Variants in MDGA2 observed in about 807,000 individuals in gnomAD.
The protein encoded by MDGA2 is MAM domain containing glycosylphosphatidylinositol anchor 2, also known as MAM domain-containing glycosylphosphatidylinositol anchor protein 2.
Under a neutral mutation model 117.8 loss-of-function variants are expected in MDGA2, and 40 were observed. The ratio of observed to expected loss-of-function variants is 0.34; its 90% confidence interval spans 0.26 to 0.44. The LOEUF (loss-of-function observed/expected upper bound fraction) is 0.44. Ranked by LOEUF, MDGA2 falls within the 20% of genes least tolerant of loss-of-function variation. The pLI is 1.00. For missense variants in MDGA2, 1,123 were observed against 1,250.6 expected (o/e 0.90, Z 1.54); for synonymous variants, 452 against 439.0 (o/e 1.03, Z -0.37).
rs1254207793 is a variant in MDGA2 at position 47,674,522 on chromosome 14, A to G, written c.275T>C (p.Val92Ala). The part of the protein sequence containing the change: ...VLLEGISGQG[V>A]YAPPTVRIVH... ...AGCGTCGCGATTCCACTCACCGTAC[A>G]CTCCTTGGCCAGAGATCCCCTCCAG... is the stretch of plus-strand genomic sequence containing the variant. Residue 92 changes from valine to alanine, a missense_variant, in exon 1 of 17, where the codon GTG (valine) becomes GCG (alanine). Around this residue, in one of 2 missense-constraint regions of MDGA2, gnomAD observed 233 missense variants for 200.3 expected, o/e 1.16. Coordinates refer to ENST00000399232, the MANE Select transcript of MDGA2 (RefSeq NM_001113498.3). 18 of 1,550,258 alleles carry G rather than the reference A, an allele frequency of 1.2e-5. No individual in the cohort carries two copies. Among genetic ancestry groups the G allele is most frequent in the Non-Finnish European group, 1.6e-5 (18 of 1,146,518 alleles).
chr14:47,495,674 G>C (rs533712792), intron 1 of MDGA2, among the ~76,000 whole-genome samples: 1 of 152,110 alleles, frequency 6.6e-6, no homozygotes, highest in African/African-American at 2.4e-5. Context: ...GTTATTTGTG[G>C]TGATTAAACG....
chr14:47,406,505 A>G (rs1248211435), intron 1 of MDGA2, among the ~76,000 whole-genome samples: 2 of 152,034 alleles, frequency 1.3e-5, no homozygotes, highest in East Asian at 3.8e-4. Context: ...TTACCAGGGA[A>G]GGGTTGGGAT....
chr14:47,259,637 C>T (rs1366656259), intron 2 of MDGA2, among the ~76,000 whole-genome samples: 1 of 151,988 alleles, frequency 6.6e-6, no homozygotes, highest in Non-Finnish European at 1.5e-5. Context: ...CATTGGTACA[C>T]ATGTAGCACT....
chr14:46,865,729 C>G (rs1369841936), intron 14 of MDGA2, among the ~76,000 whole-genome samples: 1 of 152,132 alleles, frequency 6.6e-6, no homozygotes, highest in Non-Finnish European at 1.5e-5. Flanking sequence ...AAATCACAAG[C>G]ATTCTTATAC....
chr14:46,992,352 A>G (rs1887123450), intron 8 of MDGA2, among the ~76,000 whole-genome samples: 1 of 152,178 alleles, frequency 6.6e-6, no homozygotes, highest in African/African-American at 2.4e-5. Context: ...AAATCTACCA[A>G]TGTTACCAGA....
At position 47,674,638 on chromosome 14, in the gene MDGA2, C is replaced by T. The variant is rs1399886427; in HGVS notation, c.159G>A (p.Lys53=). ...CAGCCCAGGGGGTACGCAACGGGAC[C>T]TTCAGGAGGCCGGCGGCCAGCCAGG... The part of the protein sequence containing the change: ...ERAWLAAGLL[K]VPLRTPWAGY... The change falls in exon 1 of 17, where the codon AAG becomes AAA. Residue 53 remains lysine, a synonymous_variant. Transcript: ENST00000399232. The T allele has an allele frequency of 2.0e-6, 3 of 1,514,246 alleles. No homozygotes were observed. Among genetic ancestry groups the T allele is most frequent in the African/African-American group, 1.4e-5 (1 of 72,270 alleles). The allele number at this position is 1,514,246 out of a possible 1,614,324, so 93.8% of individuals were successfully genotyped here. A position where few individuals can be genotyped will look rare whatever the true frequency, so the allele number is the denominator to read the frequency against.
chr14:47,000,636 T>A (rs1887498138), intron 8 of MDGA2, among the ~76,000 whole-genome samples: 1 of 151,182 alleles, frequency 6.6e-6, no homozygotes, highest in Admixed American at 6.7e-5. Context: ...GTTTTTGAGA[T>A]CTTTTAGGCC....
intron 1 of MDGA2, among the ~76,000 whole-genome samples, chr14:47,391,984 T>C (rs61993146): frequency 0.26 from 39,885 of 152,084 alleles, 5,569 homozygotes; most frequent in Middle Eastern, 0.41. Flanking sequence ...TTTGGCATGC[T>C]GTGAGGCAAA....
chr14:47,479,340 T>C (rs2138631491), intron 1 of MDGA2, among the ~76,000 whole-genome samples: 1 of 151,318 alleles, frequency 6.6e-6, no homozygotes, highest in African/African-American at 2.4e-5. Context: ...TAATGAAGGA[T>C]CTCTTGCCTC....
intron 9 of MDGA2, among the ~76,000 whole-genome samples, chr14:46,939,847 A>C (rs185231200): frequency 3.7e-4 from 57 of 152,328 alleles, no homozygotes; most frequent in Non-Finnish European, 6.5e-4. Flanking sequence ...CAGGCTGTCC[A>C]AAGTCCATTT....
intron 1 of MDGA2, among the ~76,000 whole-genome samples, chr14:47,454,842 C>A (rs1188287034): frequency 6.8e-6 from 1 of 148,066 alleles, no homozygotes; most frequent in Non-Finnish European, 1.5e-5. Context: ...CCACATTCTT[C>A]CAAGCAAAGA....
chr14:47,346,271 A>G (rs532960956), intron 1 of MDGA2, among the ~76,000 whole-genome samples: 2 of 152,300 alleles, frequency 1.3e-5, no homozygotes, highest in Admixed American at 1.3e-4. Context: ...TCAAGCTAAC[A>G]ACAGTTAACG....
chr14:47,437,011 C>A (rs1892913300), intron 1 of MDGA2, among the ~76,000 whole-genome samples: 1 of 152,158 alleles, frequency 6.6e-6, no homozygotes, highest in South Asian at 2.1e-4. Context: ...TTGTCTCTCT[C>A]TAACACCATA....
chr14:47,365,002 G>A (rs1356907873), intron 1 of MDGA2, among the ~76,000 whole-genome samples: 1 of 152,150 alleles, frequency 6.6e-6, no homozygotes, highest in Non-Finnish European at 1.5e-5. Flanking sequence ...TGAATTCCAA[G>A]AAACAATTTA....
At chr14:47,195,721 G>A (rs1023052657) in intron 3 of MDGA2, among the ~76,000 whole-genome samples, 5 of 152,022 alleles carry the variant, frequency 3.3e-5, no homozygotes, top group Non-Finnish European at 7.4e-5. Context: ...ACTGACAATT[G>A]AAAGAAAGGC....
chr14:47,526,312 T>C (rs992189612), intron 1 of MDGA2, among the ~76,000 whole-genome samples: 3 of 152,206 alleles, frequency 2.0e-5, no homozygotes, highest in African/African-American at 7.2e-5. Context: ...ACAAAAGCTC[T>C]GGTTGGTCTG....
At chr14:47,253,944 T>A (rs548058158) in intron 2 of MDGA2, among the ~76,000 whole-genome samples, 96 of 152,384 alleles carry the variant, frequency 6.3e-4, no homozygotes, top group African/African-American at 2.2e-3. Context: ...ACAGCACATG[T>A]AAGCTGCCAA....
intron 14 of MDGA2, among the ~76,000 whole-genome samples, chr14:46,863,501 T>C (rs1284969245): frequency 2.6e-5 from 4 of 152,152 alleles, no homozygotes; most frequent in African/African-American, 4.8e-5. Flanking sequence ...AAAATACCCA[T>C]TGTAATAAAT....
At chr14:47,058,685 G>T (rs912262578) in intron 7 of MDGA2, 1 of 985,154 alleles carries the variant, frequency 1.0e-6, no homozygotes, top group Non-Finnish European at 1.2e-6. Flanking sequence ...ACTTTATACT[G>T]CATTCTAGTA....
Sources: gnomAD v4.1 joint callset for allele counts (sites outside exome capture counted in the v4.1 genomes callset) on GRCh38, gnomAD v4.1.1 for gene constraint, gnomAD v4.1.1 regional missense constraint, MANE v1.5 for transcripts, NCBI Gene and HGNC (gene_info 2026-07-23, HGNC 2026-07-21) for gene names.